The following CDK14 variants were observed in gnomAD, a reference collection of about 807,000 sequenced individuals.
CDK14 encodes the protein cyclin dependent kinase 14.
Under a neutral mutation model 60.7 loss-of-function variants are expected in CDK14, and 34 were observed. That is an observed-to-expected ratio of 0.56 (90% CI 0.43 to 0.75). CDK14 has a LOEUF of 0.75. Among genes scored for constraint, CDK14 ranks in the 30% least tolerant of loss-of-function variants. The pLI is 0.00. For synonymous variants in CDK14, 197 were observed against 203.7 expected, an observed-to-expected ratio of 0.97 and a Z score of 0.28; for missense variants, 482 against 564.1, an observed-to-expected ratio of 0.85 and a Z score of 1.47.
At chr7:90,697,578 G>A (rs1801685352) in intron 2 of CDK14, among the ~76,000 whole-genome samples, 1 of 152,094 alleles carries the variant, frequency 6.6e-6, no homozygotes, top group South Asian at 2.1e-4. Flanking sequence ...GTTACATAGT[G>A]CCTTTGAATT....
intron 5 of CDK14, among the ~76,000 whole-genome samples, chr7:90,807,709 A>G (rs2117027558): frequency 6.6e-6 from 1 of 152,312 alleles, no homozygotes; most frequent in Middle Eastern, 3.4e-3. Flanking sequence ...AAGAAGTTAA[A>G]AACCTTGAAA....
At chr7:91,112,750 A>G (rs1238925712) in intron 13 of CDK14, 69 bp downstream of exon 13, 2 of 1,504,588 alleles carry the variant, frequency 1.3e-6, no homozygotes, top group East Asian at 4.6e-5. Flanking sequence ...TCTGTATGTA[A>G]CGTGTATGCA....
intron 4 of CDK14, among the ~76,000 whole-genome samples, chr7:90,775,668 C>A (rs1227200515): frequency 8.0e-6 from 1 of 125,194 alleles, no homozygotes; most frequent in Admixed American, 8.3e-5. Flanking sequence ...CCTTTCTCCT[C>A]CTCCTCTTCT....
At chr7:91,199,132 G>C (rs1802639438) in intron 14 of CDK14, among the ~76,000 whole-genome samples, 1 of 152,068 alleles carries the variant, frequency 6.6e-6, no homozygotes, top group Non-Finnish European at 1.5e-5. Flanking sequence ...CACTTGTAAA[G>C]GTATGCTGAG....
At chr7:90,755,188 C>T (rs1035879956) in intron 4 of CDK14, among the ~76,000 whole-genome samples, 1 of 152,224 alleles carries the variant, frequency 6.6e-6, no homozygotes, top group African/African-American at 2.4e-5. Context: ...GCACTATTCA[C>T]GATAGCAAAG....
chr7:91,139,039 T>C (rs1800366715), intron 14 of CDK14, among the ~76,000 whole-genome samples: 1 of 152,210 alleles, frequency 6.6e-6, no homozygotes, highest in Non-Finnish European at 1.5e-5. Flanking sequence ...GCGAAGAGAA[T>C]CTGTCCTTCT....
At chr7:90,820,322 G>A (rs1188796759) in intron 5 of CDK14, among the ~76,000 whole-genome samples, 8 of 152,070 alleles carry the variant, frequency 5.3e-5, no homozygotes, top group Non-Finnish European at 1.0e-4. Context: ...GTGCATTGAT[G>A]TGGTTTGGCT....
intron 14 of CDK14, among the ~76,000 whole-genome samples, chr7:91,144,902 G>T (rs1186243268): frequency 6.6e-6 from 1 of 152,186 alleles, no homozygotes; most frequent in East Asian, 1.9e-4. Flanking sequence ...TATATCCTTA[G>T]AATTAGATAG....
intron 2 of CDK14, among the ~76,000 whole-genome samples, chr7:90,663,590 C>A (rs1407571154): frequency 1.3e-5 from 2 of 152,210 alleles, no homozygotes; most frequent in African/African-American, 4.8e-5. Context: ...AGCAAAATTT[C>A]TGCTTCAATA....
At chr7:90,769,544 G>T (rs1209962613) in intron 4 of CDK14, among the ~76,000 whole-genome samples, 2 of 149,284 alleles carry the variant, frequency 1.3e-5, no homozygotes. Context: ...TCAGCTCACT[G>T]CAACCTCCGC....
At chr7:90,901,584 T>C (rs981861101) in intron 7 of CDK14, among the ~76,000 whole-genome samples, 1 of 152,092 alleles carries the variant, frequency 6.6e-6, no homozygotes, top group Admixed American at 6.6e-5. Context: ...GTCTCAGTGC[T>C]TGGCATATTT....
intron 5 of CDK14, among the ~76,000 whole-genome samples, chr7:90,801,889 C>A (rs573255921): frequency 3.9e-5 from 6 of 152,106 alleles, no homozygotes; most frequent in Non-Finnish European, 7.4e-5. Flanking sequence ...ATACTTCTTA[C>A]CCCTATCACC....
At chr7:90,988,167 TC>T (rs1795426418) in intron 10 of CDK14, among the ~76,000 whole-genome samples, 1 of 152,154 alleles carries the variant, frequency 6.6e-6, no homozygotes, top group East Asian at 1.9e-4. Context: ...CTTTTTTTCT[TC>T]CTTTGGTTGA....
At chr7:90,963,218 G>C (rs1039001455) in intron 9 of CDK14, among the ~76,000 whole-genome samples, 3 of 151,556 alleles carry the variant, frequency 2.0e-5, no homozygotes, top group African/African-American at 7.3e-5. Flanking sequence ...GAGGCTAGGC[G>C]TTTGAGACCA....
At chr7:90,710,125 G>A (rs1584809479) in intron 2 of CDK14, 3 of 982,666 alleles carry the variant, frequency 3.1e-6, no homozygotes, top group East Asian at 1.1e-4. Context: ...ATTGATAAAG[G>A]GGGTATTTAA....
chr7:90,801,764 A>G lies in CDK14; in HGVS notation c.544+11112A>G, dbSNP rs116566561. On this transcript the variant is annotated intron_variant, in intron 5 of 14. Transcript: ENST00000380050. ...GAGTAGATTCCTGGGCTGTCCCATAAGAGCCTTTTTTTATCCAAATATATA... is the reference window on the plus strand; with the variant it reads ...GAGTAGATTCCTGGGCTGTCCCATAGGAGCCTTTTTTTATCCAAATATATA... 5.7e-3 allele frequency among the ~76,000 whole-genome samples: 872 copies of G among 152,290 alleles called. 15 individuals are homozygous for G. The highest frequency in any genetic ancestry group is 0.02 in the African/African-American group (825 of 41,542).
intron 2 of CDK14, among the ~76,000 whole-genome samples, chr7:90,641,720 A>ATTTTGTTGAGATCATCAAAG (rs1437835757): frequency 1.4e-5 from 1 of 70,694 alleles, no homozygotes; most frequent in African/African-American, 4.7e-5. Context: ...GATCATCAAA[A>ATTTTGTTGAGATCATCAAAG]TGGATTTTGT....
At chr7:90,943,492 A>G (rs1371326753) in intron 8 of CDK14, among the ~76,000 whole-genome samples, 5 of 152,184 alleles carry the variant, frequency 3.3e-5, no homozygotes, top group Non-Finnish European at 7.3e-5. Flanking sequence ...ATCATATTAG[A>G]TAAAATTTGA....
chr7:90,722,397 GGTTTTTCCAC>G (rs894968128), intron 2 of CDK14, among the ~76,000 whole-genome samples: 2 of 151,808 alleles, frequency 1.3e-5, no homozygotes, highest in African/African-American at 4.8e-5. Flanking sequence ...GTAGAGACAG[GGTTTTTCCAC>G]GTTGCCCAGG....
Sources: allele counts gnomAD v4.1 joint callset (sites outside exome capture counted in the v4.1 genomes callset), GRCh38; gene constraint gnomAD v4.1.1; transcripts MANE v1.5; gene names NCBI Gene and HGNC (gene_info 2026-07-23, HGNC 2026-07-21).